Variants in SPNS2 observed in about 807,000 individuals in gnomAD.
The protein encoded by SPNS2 is sphingosine-1-phosphate transporter SPNS2.
In SPNS2, 37 loss-of-function variants were observed where a neutral mutation model predicts 57.6. That is an observed-to-expected ratio of 0.64 (90% confidence interval 0.49 to 0.85). The LOEUF (loss-of-function observed/expected upper bound fraction) is 0.85, where lower values mean the gene tolerates loss of function less well. SPNS2 is among the 40% of genes least tolerant of loss of function. The pLI, the probability that SPNS2 is intolerant of heterozygous loss-of-function variation, is 0.00. For missense variants in SPNS2, 831 were observed against 779.1 expected (o/e 1.07, Z -0.79); for synonymous variants, 440 against 346.9 (o/e 1.27, Z -2.98).
chr17:4,530,002 G>A (rs868642538), intron 3 of SPNS2, among the ~76,000 whole-genome samples: 17 of 152,180 alleles, frequency 1.1e-4, no homozygotes, highest in African/African-American at 1.2e-4. Context: ...CTCAGGCCCC[G>A]GGCAGCTGGG....
chr17:4,513,339 C>G (rs779916648), intron 2 of SPNS2, 27 bp downstream of exon 2: 7 of 1,612,594 alleles, frequency 4.3e-6, no homozygotes, highest in Non-Finnish European at 5.9e-6. Flanking sequence ...ACCTTCCCCC[C>G]CACGCCCAGG....
intron 2 of SPNS2, among the ~76,000 whole-genome samples, chr17:4,516,826 A>G (rs1416465681): frequency 6.6e-6 from 1 of 152,230 alleles, no homozygotes; most frequent in African/African-American, 2.4e-5. Context: ...CTGAACTCAA[A>G]AACCGGAGTG....
At chr17:4,534,366 G>A (rs984947597) in intron 9 of SPNS2, 1 of 191,150 alleles carries the variant, frequency 5.2e-6, no homozygotes, top group Non-Finnish European at 1.1e-5. Context: ...GGGGATGGGA[G>A]CACCCTGGGA....
intron 1 of SPNS2, among the ~76,000 whole-genome samples, chr17:4,504,972 C>T (rs962612643): frequency 1.3e-5 from 2 of 152,204 alleles, no homozygotes; most frequent in African/African-American, 2.4e-5. Context: ...CCTGCACCTC[C>T]TTTCCCCAGG....
chr17:4,512,348 G>A lies in SPNS2; in HGVS notation c.371-899G>A, dbSNP rs1904850464. On this transcript the variant is annotated intron_variant, in intron 1 of 12. Transcript: ENST00000329078. The surrounding 1 kb of genome is among the most constrained non-coding windows in gnomAD (Gnocchi z 5.2). ...GTGCTTACTCAGGAGCCCTGGCTGAGTGCTGCGAGGGGTAGGAGGTCCAAG... is the reference window on the plus strand; with the variant it reads ...GTGCTTACTCAGGAGCCCTGGCTGAATGCTGCGAGGGGTAGGAGGTCCAAG... Among the ~76,000 whole-genome samples, 1 of 152,152 alleles carries A rather than the reference G, an allele frequency of 6.6e-6. No individual in the cohort carries two copies. The highest frequency in any genetic ancestry group is 1.5e-5 in the Non-Finnish European group (1 of 68,026).
intron 5 of SPNS2, 70 bp from the exon 6 acceptor site, chr17:4,532,472 G>A: frequency 6.2e-7 from 1 of 1,606,710 alleles, no homozygotes; most frequent in Non-Finnish European, 8.5e-7. Context: ...GGGCTTGCCT[G>A]AGTCCCTCCT....
intron 9 of SPNS2, 83 bp downstream of exon 9, chr17:4,533,936 A>AG: frequency 1.6e-6 from 1 of 633,478 alleles, no homozygotes; most frequent in Non-Finnish European, 2.8e-6. Flanking sequence ...GGGCGGGTGA[A>AG]GGGGCGGGAG....
chr17:4,510,459 C>T lies in SPNS2; in HGVS notation c.371-2788C>T, dbSNP rs553793218. Among the ~76,000 whole-genome samples the T allele has an allele frequency of 2.6e-5, 4 of 152,298 alleles. No homozygotes were observed. In the South Asian group the frequency reaches 6.2e-4, roughly 24 times the overall value. On this transcript the variant is annotated intron_variant, in intron 1 of 12. Transcript: ENST00000329078. This position sits in a 1 kb window ranked among gnomAD's most constrained non-coding sequence, Gnocchi z 4.4. ...GGGGAAGGCTTCCTGGAGGCAGAGGCAAATCCTGGACCTTGAAGTCATCGG... is the reference window on the plus strand; with the variant it reads ...GGGGAAGGCTTCCTGGAGGCAGAGGTAAATCCTGGACCTTGAAGTCATCGG...
At chr17:4,536,008 G>C in intron 9 of SPNS2, 68 bp from the exon 10 acceptor site, 1 of 1,404,906 alleles carries the variant, frequency 7.1e-7, no homozygotes, top group South Asian at 1.2e-5. Flanking sequence ...AAGTGCCACG[G>C]CCCGGGGCCA....
intron 2 of SPNS2, among the ~76,000 whole-genome samples, chr17:4,517,225 C>T (rs1905018623): frequency 6.6e-6 from 1 of 152,228 alleles, no homozygotes; most frequent in South Asian, 2.1e-4. Flanking sequence ...GCTTCCACTT[C>T]CTTCCCCATA....
chr17:4,531,593 G>C (rs1324673296), intron 5 of SPNS2, among the ~76,000 whole-genome samples: 1 of 152,118 alleles, frequency 6.6e-6, no homozygotes, highest in Non-Finnish European at 1.5e-5. Context: ...AGGAAACAGA[G>C]ATCCCTCGTC....
At chr17:4,508,992 G>T (rs1191627362) in intron 1 of SPNS2, among the ~76,000 whole-genome samples, 1 of 152,206 alleles carries the variant, frequency 6.6e-6, no homozygotes, top group Non-Finnish European at 1.5e-5. Flanking sequence ...GCCGGCAGGG[G>T]CTGGAGGCAG....
At chr17:4,513,130 A>G (rs984299179) in intron 1 of SPNS2, 117 bp from the exon 2 acceptor site, 3 of 1,122,836 alleles carry the variant, frequency 2.7e-6, no homozygotes, top group African/African-American at 3.1e-5. Context: ...GCAGCAGAGC[A>G]GGAGTGCCGC....
chr17:4,510,626 A>AC lies in SPNS2; in HGVS notation c.371-2618dup, dbSNP rs1163881599. Among the ~76,000 whole-genome samples the AC allele has an allele frequency of 6.6e-6, 1 of 152,098 alleles. No individual in the cohort carries two copies. Among genetic ancestry groups the AC allele is most frequent in the Non-Finnish European group, 1.5e-5 (1 of 68,004 alleles). ...GAAATGGAACCTGCAGTTACTGCAG[A>AC]CCCGTGTCCCTCCTCTGGACTATGG... On this transcript the variant is annotated intron_variant, in intron 1 of 12. Coordinates refer to ENST00000329078, the MANE Select transcript of SPNS2 (RefSeq NM_001124758.3). This position sits in a 1 kb window ranked among gnomAD's most constrained non-coding sequence, Gnocchi z 4.4.
Position 4,536,287 on chromosome 17 carries a change from A to T in SPNS2, c.1468A>T (p.Thr490Ser). 6.2e-7 allele frequency: 1 copy of T among 1,612,684 alleles called. No homozygotes were observed. Among genetic ancestry groups the T allele is most frequent in the African/African-American group, 1.3e-5 (1 of 75,032 alleles). ...GATCTCAGACCTGATCCGCCAGAGC[A>T]CTAAGGACTCCCCGCTCTGGGAGTT... ...GFISDLIRQS[T>S]KDSPLWEFLS... The change falls in exon 11 of 13, where the codon ACT becomes TCT. Residue 490 changes from threonine (T) to serine (S), a missense_variant. This residue lies in a region of SPNS2 where 526 missense variants were observed against 400.9 expected (regional missense o/e 1.31). Coordinates refer to ENST00000329078, the MANE Select transcript of SPNS2 (RefSeq NM_001124758.3).
intron 5 of SPNS2, 80 bp downstream of exon 5, chr17:4,531,199 C>A (rs1357880382): frequency 2.3e-6 from 3 of 1,326,238 alleles, no homozygotes; most frequent in Non-Finnish European, 2.1e-6. Context: ...GTAATCCAGG[C>A]TAGGACCTAG....
Position 4,511,146 on chromosome 17 carries a change from C to T in SPNS2, c.371-2101C>T, listed in dbSNP as rs144576538. ...GAGCTCATAGCTGTGCTTCTGTGTG[C>T]ATTCCCTATAGAACCCACTCATCCT... On this transcript the variant is annotated intron_variant, in intron 1 of 12. Coordinates refer to ENST00000329078, the MANE Select transcript of SPNS2 (RefSeq NM_001124758.3). This position sits in a 1 kb window ranked among gnomAD's most constrained non-coding sequence, Gnocchi z 4.6. 6.0e-4 allele frequency among the ~76,000 whole-genome samples: 91 copies of T among 152,352 alleles called. No individual in the cohort carries two copies. The highest frequency in any genetic ancestry group is 1.9e-3 in the African/African-American group (80 of 41,582).
At chr17:4,521,426 AG>A (rs1376413381) in intron 2 of SPNS2, among the ~76,000 whole-genome samples, 6 of 152,230 alleles carry the variant, frequency 3.9e-5, no homozygotes, top group African/African-American at 1.2e-4. Flanking sequence ...AATTTAAACA[AG>A]GGCCCAGTGT....
Position 4,533,114 on chromosome 17 carries a change from G to T in SPNS2, c.1073G>T (p.Cys358Phe). The change falls in exon 7 of 13, where the codon TGT becomes TTT. Residue 358 changes from cysteine to phenylalanine, a missense_variant. Transcript: ENST00000329078. ...GCAGAGACGTGCAACAGCCCGCCCT[G>T]TGGGGCCAAGGACAGGTGGGGCCCC... ...KTAETCNSPPCGAKDSLIFGA... is the reference protein window; with the variant it reads ...KTAETCNSPPFGAKDSLIFGA... 6.2e-7 allele frequency: 1 copy of T among 1,611,120 alleles called. No homozygotes were observed.
Sources: allele counts gnomAD v4.1 joint callset (sites outside exome capture counted in the v4.1 genomes callset), GRCh38; gene constraint gnomAD v4.1.1; regional missense constraint gnomAD v4.1.1; non-coding constraint Gnocchi (gnomAD v3.1); transcripts MANE v1.5; gene names NCBI Gene and HGNC (gene_info 2026-07-23, HGNC 2026-07-21).